CSMD1: variants seen among roughly 807,000 people sequenced by gnomAD.
The protein encoded by CSMD1 is CUB and sushi domain-containing protein 1.
A neutral mutation model predicts 417.5 loss-of-function variants in CSMD1; 213 were observed. The ratio of observed to expected loss-of-function variants is 0.51; its 90% CI spans 0.46 to 0.57. CSMD1 has a LOEUF of 0.57. CSMD1 is among the 20% of genes least tolerant of loss of function. The probability of loss-of-function intolerance (pLI) is 0.00; values close to 1 mark genes in which losing one functional copy is unlikely to be tolerated. For missense variants in CSMD1, 6,923 were observed against 4,529.7 expected (o/e 1.53, Z -15.17); for synonymous variants, 2,862 against 1,736.8 (o/e 1.65, Z -16.11).
chr8:3,329,368 G>A (rs374787274), intron 23 of CSMD1, among the ~76,000 whole-genome samples: 1 of 152,050 alleles, frequency 6.6e-6, no homozygotes, highest in African/African-American at 2.4e-5. Context: ...CAGTTCTGCA[G>A]GAGAAAGGAA....
intron 12 of CSMD1, among the ~76,000 whole-genome samples, chr8:3,453,964 T>A (rs937364947): frequency 1.3e-5 from 2 of 152,174 alleles, no homozygotes; most frequent in South Asian, 2.1e-4. Context: ...TTTGTAGGTC[T>A]CTAAGGACTT....
At chr8:4,405,930 T>G (rs1490087930) in intron 3 of CSMD1, among the ~76,000 whole-genome samples, 1 of 152,212 alleles carries the variant, frequency 6.6e-6, no homozygotes, top group Non-Finnish European at 1.5e-5. Flanking sequence ...TCGTTTCCTT[T>G]AATTAGTATC....
chr8:4,177,838 G>C (rs1375462718), intron 3 of CSMD1, among the ~76,000 whole-genome samples: 3 of 151,426 alleles, frequency 2.0e-5, no homozygotes, highest in Non-Finnish European at 2.9e-5. Flanking sequence ...ATAAGAAATG[G>C]ATAAATTCCT....
chr8:3,593,476 G>C (rs1800951982), intron 8 of CSMD1, among the ~76,000 whole-genome samples: 1 of 152,170 alleles, frequency 6.6e-6, no homozygotes, highest in African/African-American at 2.4e-5. Flanking sequence ...GCGGGATGGA[G>C]GAGAGATGCC....
intron 2 of CSMD1, among the ~76,000 whole-genome samples, chr8:4,597,173 A>C (rs1301742749): frequency 2.0e-5 from 3 of 152,162 alleles, no homozygotes; most frequent in Admixed American, 6.5e-5. Context: ...CAAAACTTTG[A>C]AATAATAAAC....
chr8:4,796,520 G>C (rs78683688), intron 1 of CSMD1, among the ~76,000 whole-genome samples: 1 of 151,372 alleles, frequency 6.6e-6, no homozygotes, highest in Non-Finnish European at 1.5e-5. Flanking sequence ...AATGACCTGG[G>C]AGCCATCCCT....
At chr8:4,220,273 G>C (rs1053475473) in intron 3 of CSMD1, among the ~76,000 whole-genome samples, 2 of 152,160 alleles carry the variant, frequency 1.3e-5, no homozygotes, top group Non-Finnish European at 1.5e-5. Flanking sequence ...AGAGATACTT[G>C]TCAGTGAGGC....
chr8:4,167,798 T>C (rs953870309), intron 3 of CSMD1, among the ~76,000 whole-genome samples: 22 of 152,248 alleles, frequency 1.4e-4, no homozygotes, highest in African/African-American at 4.8e-4. Flanking sequence ...GAGACTAGCC[T>C]GGGCAACATA....
chr8:3,480,509 T>A (rs953507705), intron 11 of CSMD1, among the ~76,000 whole-genome samples: 2 of 152,318 alleles, frequency 1.3e-5, no homozygotes, highest in African/African-American at 4.8e-5. Context: ...GATGATGGTG[T>A]TGAAATTATT....
intron 5 of CSMD1, among the ~76,000 whole-genome samples, chr8:3,789,635 AAAT>A (rs1364690538): frequency 2.6e-5 from 4 of 151,864 alleles, no homozygotes; most frequent in Non-Finnish European, 5.9e-5. Flanking sequence ...GTCCTCTAAA[AAAT>A]AATAGTGAAA....
intron 10 of CSMD1, among the ~76,000 whole-genome samples, chr8:3,554,643 G>A (rs1284375751): frequency 6.6e-6 from 1 of 152,234 alleles, no homozygotes; most frequent in Non-Finnish European, 1.5e-5. Flanking sequence ...AATAGCCCAT[G>A]AATGGCAGCA....
intron 3 of CSMD1, among the ~76,000 whole-genome samples, chr8:4,208,141 C>T (rs62501367): frequency 0.14 from 20,848 of 152,032 alleles, 2,325 homozygotes; most frequent in African/African-American, 0.3. Context: ...CTTAATAAAA[C>T]ATATCCAAAC....
chr8:4,334,791 G>C (rs1340451497), intron 3 of CSMD1, among the ~76,000 whole-genome samples: 5 of 152,032 alleles, frequency 3.3e-5, no homozygotes, highest in Non-Finnish European at 7.4e-5. Context: ...GTCTGTTTGG[G>C]CTGCTATGAC....
At chr8:4,744,225 C>G (rs1228532548) in intron 1 of CSMD1, among the ~76,000 whole-genome samples, 3 of 151,906 alleles carry the variant, frequency 2.0e-5, no homozygotes, top group Non-Finnish European at 4.4e-5. Context: ...GCTCGGGGGG[C>G]ACAGGCAAGT....
At chr8:3,909,009 G>A (rs4875260) in intron 5 of CSMD1, among the ~76,000 whole-genome samples, 78,432 of 152,096 alleles carry the variant, frequency 0.52, 23,679 homozygotes, top group South Asian at 0.66. Context: ...CACTACTGTA[G>A]GAGGCTTGCC....
intron 3 of CSMD1, among the ~76,000 whole-genome samples, chr8:4,407,373 C>G (rs993928923): frequency 4.6e-5 from 7 of 151,864 alleles, no homozygotes; most frequent in Admixed American, 2.6e-4. Context: ...TACTATGACT[C>G]TTGTTTAACA....
At chr8:4,156,484 C>G (rs1796841433) in intron 3 of CSMD1, among the ~76,000 whole-genome samples, 1 of 152,034 alleles carries the variant, frequency 6.6e-6, no homozygotes, top group Admixed American at 6.6e-5. Flanking sequence ...ATTTTTATGT[C>G]CAATTCTTTA....
Position 3,284,178 on chromosome 8 carries a change from G to A in CSMD1, c.4119C>T (p.Phe1373=). 6.3e-7 allele frequency: 1 copy of A among 1,587,640 alleles called. No individual in the cohort carries two copies. The highest frequency in any genetic ancestry group is 2.3e-5 in the East Asian group (1 of 43,372). Residue 1373 remains phenylalanine, a synonymous_variant, in exon 26 of 70, where the codon TTC becomes TTT. Coordinates refer to ENST00000635120, the MANE Select transcript of CSMD1 (RefSeq NM_033225.6). ...GGATGGAGAAGCCAGACTTGCTGAT[G>A]AAGAAGTCGCTGTCGAACTGCAGGG... ...SLTLQFDSDF[F]ISKSGFSIQF... is the part of the protein sequence containing the mutation.
chr8:4,349,874 T>C (rs1481128561), intron 3 of CSMD1, among the ~76,000 whole-genome samples: 2 of 151,850 alleles, frequency 1.3e-5, no homozygotes, highest in East Asian at 3.9e-4. Flanking sequence ...ATGTTACCTT[T>C]AAGAAAAGAC....
Sources: gnomAD v4.1 joint callset for allele counts (sites outside exome capture counted in the v4.1 genomes callset) on GRCh38, gnomAD v4.1.1 for gene constraint, MANE v1.5 for transcripts, NCBI Gene and HGNC (gene_info 2026-07-23, HGNC 2026-07-21) for gene names.